PRDM16: variants seen among roughly 807,000 people sequenced by gnomAD.
The protein encoded by PRDM16 is PR/SET domain 16.
PRDM16 carries 23 observed loss-of-function variants against 110.6 expected under a neutral mutation model. The observed-to-expected ratio is 0.21, with a 90% CI of 0.15 to 0.29. PRDM16 has a LOEUF of 0.29. PRDM16 is among the 10% of genes least tolerant of loss of function. The probability of loss-of-function intolerance (pLI) is 1.00; values close to 1 mark genes in which losing one functional copy is unlikely to be tolerated. For missense variants in PRDM16, 1,615 were observed against 1,794.3 expected (o/e 0.90, Z 1.81); for synonymous variants, 799 against 781.8 (o/e 1.02, Z -0.37).
Position 3,213,492 on chromosome 1 carries a change from G to A in PRDM16, c.387+27018G>A, listed in dbSNP as rs1638947004. On this transcript the variant is annotated intron_variant, in intron 2 of 16. Coordinates refer to ENST00000270722, the MANE Select transcript of PRDM16 (RefSeq NM_022114.4). The surrounding 1 kb of genome is among the most constrained non-coding windows in gnomAD (Gnocchi z 5.3). ...TCGGGCAGTCACCCCAGCTGTGCGG[G>A]TGCCCCCCTGGGTTTGGTTGTGCCC... Among the ~76,000 whole-genome samples the A allele has an allele frequency of 1.3e-5, 2 of 152,184 alleles. No individual in the cohort carries two copies. The highest frequency in any genetic ancestry group is 4.1e-4 in the South Asian group (2 of 4,826).
intron 3 of PRDM16, among the ~76,000 whole-genome samples, chr1:3,356,883 G>A (rs578055843): frequency 2.6e-5 from 4 of 152,170 alleles, no homozygotes; most frequent in African/African-American, 9.7e-5. Context: ...GTGCCGGCTG[G>A]CTACCCCGGA....
intron 3 of PRDM16, among the ~76,000 whole-genome samples, chr1:3,349,981 G>GAGGAGA (rs1337094050): frequency 2.6e-5 from 4 of 152,166 alleles, no homozygotes; most frequent in South Asian, 4.2e-4. Context: ...CTGAGCCCTG[G>GAGGAGA]AGGAGACAGC....
At chr1:3,422,029 CAGGT>C (rs1356165210) in intron 12 of PRDM16, among the ~76,000 whole-genome samples, 6 of 144,918 alleles carry the variant, frequency 4.1e-5, no homozygotes, top group African/African-American at 1.3e-4. Context: ...GGCAGACAGA[CAGGT>C]AGATGGACAG....
intron 1 of PRDM16, among the ~76,000 whole-genome samples, chr1:3,097,315 T>C (rs1241804769): frequency 6.6e-6 from 1 of 152,226 alleles, no homozygotes; most frequent in Non-Finnish European, 1.5e-5. Context: ...CGTGACGGTG[T>C]CTGCCTGGCA....
intron 1 of PRDM16, among the ~76,000 whole-genome samples, chr1:3,112,847 C>T (rs1305414625): frequency 1.3e-5 from 2 of 152,258 alleles, no homozygotes; most frequent in Admixed American, 6.5e-5. Flanking sequence ...CCCGAGGGCC[C>T]GCCTGGGCTC....
intron 3 of PRDM16, among the ~76,000 whole-genome samples, chr1:3,292,869 G>A (rs776168034): frequency 4.6e-5 from 7 of 152,314 alleles, no homozygotes; most frequent in African/African-American, 7.2e-5. Context: ...GTGGGTTTCC[G>A]GCAGCCAAGA....
intron 4 of PRDM16, among the ~76,000 whole-genome samples, chr1:3,386,183 C>G (rs914350972): frequency 2.0e-5 from 3 of 152,128 alleles, no homozygotes; most frequent in Non-Finnish European, 2.9e-5. Flanking sequence ...CCCCTTACAT[C>G]ACAGTAGTCT....
At chr1:3,391,027 G>A (rs1643291770) in intron 4 of PRDM16, among the ~76,000 whole-genome samples, 1 of 152,042 alleles carries the variant, frequency 6.6e-6, no homozygotes, top group Non-Finnish European at 1.5e-5. Context: ...GTAGAGACAG[G>A]GTTTCACCAT....
At chr1:3,251,711 C>T (rs898774238) in intron 3 of PRDM16, among the ~76,000 whole-genome samples, 6 of 152,170 alleles carry the variant, frequency 3.9e-5, no homozygotes, top group African/African-American at 1.4e-4. Context: ...CTCTCGCAGG[C>T]GCCTAGTTCT....
chr1:3,410,370 G>A (rs530669022), intron 8 of PRDM16, among the ~76,000 whole-genome samples: 14 of 152,260 alleles, frequency 9.2e-5, no homozygotes, highest in African/African-American at 2.2e-4. Flanking sequence ...AGCCAGAGCC[G>A]GGCACTGCCG....
intron 2 of PRDM16, among the ~76,000 whole-genome samples, chr1:3,198,928 T>G (rs1261615506): frequency 6.6e-6 from 1 of 152,176 alleles, no homozygotes; most frequent in Non-Finnish European, 1.5e-5. Context: ...GCACCGTAAT[T>G]TCACGAGCAG....
intron 3 of PRDM16, among the ~76,000 whole-genome samples, chr1:3,377,499 C>T (rs1285507730): frequency 6.6e-6 from 1 of 152,142 alleles, no homozygotes; most frequent in Non-Finnish European, 1.5e-5. Flanking sequence ...AGAAATTTTC[C>T]CCCACTTCAC....
At position 3,276,435 on chromosome 1, in the gene PRDM16, G is replaced by T. The variant is rs899108689; in HGVS notation, c.438+32298G>T. 1.4e-3 allele frequency among the ~76,000 whole-genome samples: 216 copies of T among 152,354 alleles called. 2 individuals are homozygous for T. Among genetic ancestry groups the T allele is most frequent in the Non-Finnish European group, 6.9e-4 (47 of 68,034 alleles). On this transcript the variant is annotated intron_variant, in intron 3 of 16. Coordinates refer to ENST00000270722, the MANE Select transcript of PRDM16 (RefSeq NM_022114.4). The stretch of plus-strand genomic sequence containing the variant: ...GGAGGGGAGCGTGGACTCTGCTCGT[G>T]CCCGGCCCTGAGCTGCCTCTGCTGT...
At chr1:3,180,908 T>A (rs1319928207) in intron 1 of PRDM16, among the ~76,000 whole-genome samples, 7 of 124,670 alleles carry the variant, frequency 5.6e-5, no homozygotes, top group East Asian at 2.7e-4. Context: ...ACACGCAGTC[T>A]TACACGCAGC....
chr1:3,130,660 G>A (rs1643313833), intron 1 of PRDM16, among the ~76,000 whole-genome samples: 1 of 152,038 alleles, frequency 6.6e-6, no homozygotes, highest in Admixed American at 6.5e-5. Context: ...CTTCTCTTTG[G>A]GGACGTTTGT....
chr1:3,181,512 GCA>G (rs1491333134), intron 1 of PRDM16, among the ~76,000 whole-genome samples: 1 of 29,656 alleles, frequency 3.4e-5, no homozygotes, highest in East Asian at 1.1e-3. Context: ...TCTTACACAC[GCA>G]GTCTTACACA....
intron 3 of PRDM16, among the ~76,000 whole-genome samples, chr1:3,332,620 C>A (rs1557615158): frequency 6.6e-6 from 1 of 152,072 alleles, no homozygotes; most frequent in African/African-American, 2.4e-5. Flanking sequence ...TAAGGCGTGT[C>A]ATTCGGTGAC....
At chr1:3,345,099 A>T (rs1642336493) in intron 3 of PRDM16, among the ~76,000 whole-genome samples, 1 of 152,150 alleles carries the variant, frequency 6.6e-6, no homozygotes, top group Non-Finnish European at 1.5e-5. Context: ...TCTGTCCCAT[A>T]AGACTGCAGC....
chr1:3,302,826 C>T (rs778883847), intron 3 of PRDM16, among the ~76,000 whole-genome samples: 1 of 152,132 alleles, frequency 6.6e-6, no homozygotes, highest in Non-Finnish European at 1.5e-5. Context: ...GGAGAAGACC[C>T]CAGCTGGGAG....
Sources: allele counts gnomAD v4.1 joint callset (sites outside exome capture counted in the v4.1 genomes callset), GRCh38; gene constraint gnomAD v4.1.1; non-coding constraint Gnocchi (gnomAD v3.1); transcripts MANE v1.5; gene names NCBI Gene and HGNC (gene_info 2026-07-23, HGNC 2026-07-21).